KCNIP4: variants seen among roughly 807,000 people sequenced by gnomAD.
KCNIP4 encodes the protein Kv channel-interacting protein 4.
In KCNIP4, 12 loss-of-function variants were observed where a neutral mutation model predicts 34.0. The ratio of observed to expected loss-of-function variants is 0.35; its 90% CI spans 0.23 to 0.57. KCNIP4 has a LOEUF of 0.57. KCNIP4 is among the 20% of genes least tolerant of loss of function. The pLI is 0.83. For synonymous variants in KCNIP4, 124 were observed against 102.2 expected (o/e 1.21, Z -1.29); for missense variants, 238 against 311.7 (o/e 0.76, Z 1.78).
intron 3 of KCNIP4, among the ~76,000 whole-genome samples, chr4:20,782,763 C>G (rs1038560808): frequency 6.6e-6 from 1 of 152,152 alleles, no homozygotes; most frequent in Non-Finnish European, 1.5e-5. Context: ...GACACTTTCC[C>G]CATTGTCTTG....
intron 2 of KCNIP4, among the ~76,000 whole-genome samples, chr4:20,855,382 G>A (rs1045635238): frequency 5.3e-5 from 8 of 152,026 alleles, no homozygotes; most frequent in African/African-American, 1.7e-4. Flanking sequence ...CTACAGATTG[G>A]AGACTCAGAG....
At chr4:21,844,267 C>T (rs553325616) in intron 1 of KCNIP4, 1 of 152,108 alleles carries the variant, frequency 6.6e-6, no homozygotes, top group African/African-American at 2.4e-5. Context: ...AAGATGGGTA[C>T]ATGGAAAAAT....
At chr4:21,876,898 A>C (rs1026143328) in intron 1 of KCNIP4, among the ~76,000 whole-genome samples, 1 of 152,112 alleles carries the variant, frequency 6.6e-6, no homozygotes, top group Admixed American at 6.6e-5. Flanking sequence ...ATTTGTAGTG[A>C]TAACAGGCCA....
intron 3 of KCNIP4, among the ~76,000 whole-genome samples, chr4:20,793,921 G>A (rs1429305701): frequency 6.6e-6 from 1 of 152,214 alleles, no homozygotes; most frequent in Admixed American, 6.5e-5. Flanking sequence ...ATTCCCATGT[G>A]TTGTGGGAGG....
At chr4:21,329,492 A>G (rs1484963937) in intron 1 of KCNIP4, among the ~76,000 whole-genome samples, 1 of 152,236 alleles carries the variant, frequency 6.6e-6, no homozygotes, top group African/African-American at 2.4e-5. Flanking sequence ...GAAATAATAC[A>G]ATGAGGTTAT....
chr4:21,051,487 G>A (rs1383439692), intron 1 of KCNIP4, among the ~76,000 whole-genome samples: 2 of 152,022 alleles, frequency 1.3e-5, no homozygotes, highest in East Asian at 3.9e-4. Context: ...TGTATCTAGG[G>A]ATTCATATTG....
intron 1 of KCNIP4, among the ~76,000 whole-genome samples, chr4:21,620,983 AC>A (rs1191284766): frequency 2.6e-5 from 4 of 152,192 alleles, no homozygotes; most frequent in Non-Finnish European, 4.4e-5. Context: ...GGTTTAACTA[AC>A]AACCTTCCTA....
At chr4:21,297,046 T>TTG (rs1578039305) in intron 1 of KCNIP4, among the ~76,000 whole-genome samples, 1 of 150,764 alleles carries the variant, frequency 6.6e-6, no homozygotes, top group African/African-American at 2.4e-5. Flanking sequence ...GTGCGTGTGT[T>TTG]TGTGTGTGTA....
intron 1 of KCNIP4, among the ~76,000 whole-genome samples, chr4:21,472,628 G>C (rs1577417719): frequency 1.3e-5 from 2 of 152,082 alleles, no homozygotes; most frequent in East Asian, 3.8e-4. Context: ...GAGGAAACTG[G>C]TGTTTTTTCT....
chr4:20,992,142 C>T (rs1737132153), intron 1 of KCNIP4, among the ~76,000 whole-genome samples: 1 of 152,182 alleles, frequency 6.6e-6, no homozygotes, highest in Admixed American at 6.5e-5. Flanking sequence ...ATACTCGAGA[C>T]TGGGTAATTT....
chr4:21,104,737 A>G (rs370853472), intron 1 of KCNIP4, among the ~76,000 whole-genome samples: 1 of 151,612 alleles, frequency 6.6e-6, no homozygotes, highest in South Asian at 2.1e-4. Context: ...GCTCTAACAT[A>G]TAAGTCTTTA....
At chr4:21,573,795 C>T (rs919234387) in intron 1 of KCNIP4, among the ~76,000 whole-genome samples, 1 of 152,098 alleles carries the variant, frequency 6.6e-6, no homozygotes, top group African/African-American at 2.4e-5. Context: ...TGATTATCAG[C>T]CAGGTTACAG....
In KCNIP4 at chr4:20,962,403, C is replaced by A. The variant is rs140393696; in HGVS notation, c.62-79694G>T. Among the ~76,000 whole-genome samples, 216 of 152,316 alleles carry A rather than the reference C, an allele frequency of 1.4e-3. 1 individual carries two copies. Among genetic ancestry groups the A allele is most frequent in the African/African-American group, 4.9e-3 (204 of 41,566 alleles). ...TAACCAAAGCCTCCCACCTGGCTTCCATCATTAACAGAGACCTTTTCTTCT... is the reference window on the plus strand; with the variant it reads ...TAACCAAAGCCTCCCACCTGGCTTCAATCATTAACAGAGACCTTTTCTTCT... On this transcript the variant is annotated intron_variant, in intron 1 of 8. Transcript: ENST00000382152.
chr4:20,950,974 T>A (rs1358872058), intron 1 of KCNIP4, among the ~76,000 whole-genome samples: 1 of 152,180 alleles, frequency 6.6e-6, no homozygotes, highest in Non-Finnish European at 1.5e-5. Context: ...ATTGAAGCCC[T>A]AGCCCCCAGT....
chr4:21,680,680 A>G (rs1750277129), intron 1 of KCNIP4, among the ~76,000 whole-genome samples: 1 of 152,240 alleles, frequency 6.6e-6, no homozygotes, highest in Non-Finnish European at 1.5e-5. Context: ...GCATGAAAAT[A>G]ACATTAATCT....
intron 1 of KCNIP4, among the ~76,000 whole-genome samples, chr4:21,841,735 G>C (rs769185518): frequency 6.6e-6 from 1 of 151,920 alleles, no homozygotes; most frequent in Middle Eastern, 3.2e-3. Flanking sequence ...GGAGACACAG[G>C]GTGTCAAAAA....
intron 1 of KCNIP4, among the ~76,000 whole-genome samples, chr4:21,123,091 G>A (rs925983049): frequency 1.3e-5 from 2 of 152,186 alleles, no homozygotes; most frequent in African/African-American, 4.8e-5. Flanking sequence ...GCGGGCGCCT[G>A]TAGTCCCAGC....
intron 1 of KCNIP4, among the ~76,000 whole-genome samples, chr4:21,323,771 A>C (rs965550379): frequency 3.3e-5 from 5 of 151,926 alleles, no homozygotes; most frequent in African/African-American, 1.2e-4. Flanking sequence ...TTCCTTTCCT[A>C]GCAGTGGAAT....
chr4:21,496,560 A>C (rs956050977), intron 1 of KCNIP4, among the ~76,000 whole-genome samples: 6 of 152,170 alleles, frequency 3.9e-5, no homozygotes, highest in Non-Finnish European at 8.8e-5. Context: ...CCCTGCCTCC[A>C]AGCTCAATCC....
Sources: allele counts gnomAD v4.1 joint callset (sites outside exome capture counted in the v4.1 genomes callset), GRCh38; gene constraint gnomAD v4.1.1; transcripts MANE v1.5; gene names NCBI Gene and HGNC (gene_info 2026-07-23, HGNC 2026-07-21).